The following GPC6 variants were observed in gnomAD, a reference collection of about 807,000 sequenced individuals.
GPC6 encodes the protein glypican 6.
Under a neutral mutation model 55.2 loss-of-function variants are expected in GPC6, and 14 were observed. The ratio of observed to expected loss-of-function variants is 0.25; its 90% CI spans 0.17 to 0.40. The LOEUF is 0.40. Ranked by LOEUF, GPC6 falls within the 10% of genes least tolerant of loss-of-function variation. The probability of loss-of-function intolerance (pLI) is 1.00; values close to 1 mark genes in which losing one functional copy is unlikely to be tolerated. For synonymous variants in GPC6, 278 were observed against 259.6 expected (o/e 1.07, Z -0.68); for missense variants, 641 against 708.5 (o/e 0.90, Z 1.08).
At chr13:93,217,904 G>GT in the GPC6 span, among the ~76,000 whole-genome samples, 2 of 151,870 alleles carry the variant, frequency 1.3e-5, no homozygotes, top group African/African-American at 2.4e-5. Flanking sequence ...GCCCAAAGAT[G>GT]TTTTTTTTGG....
Position 94,316,027 on chromosome 13 carries a change from C to A in GPC6, c.1152+9904C>A, listed in dbSNP as rs138008986. Among the ~76,000 whole-genome samples, 481 of 152,282 alleles carry A rather than the reference C, an allele frequency of 3.2e-3. 3 individuals carry two copies. The highest frequency in any genetic ancestry group is 0.01 in the African/African-American group (424 of 41,544). ...AGACAATTCCTCTTCTTCCAAAAAA[C>A]GGCCCAGGGAAGCCAAAAGATTGGA... On this transcript the variant is annotated intron_variant, in intron 6 of 8. Transcript: ENST00000377047.
intron 1 of GPC6, among the ~76,000 whole-genome samples, chr13:93,250,610 AG>A (rs748598808): frequency 5.3e-5 from 8 of 152,108 alleles, no homozygotes; most frequent in Non-Finnish European, 1.0e-4. Context: ...TCTTCCCAGG[AG>A]GGCTCTAGGG....
the GPC6 span, among the ~76,000 whole-genome samples, chr13:93,218,369 G>A: frequency 1.3e-5 from 2 of 152,146 alleles, no homozygotes; most frequent in Non-Finnish European, 2.9e-5. Context: ...AACATAGGAT[G>A]TCAGCCTTAC....
At chr13:93,275,172 A>T (rs949778207) in intron 1 of GPC6, among the ~76,000 whole-genome samples, 1 of 152,224 alleles carries the variant, frequency 6.6e-6, no homozygotes, top group African/African-American at 2.4e-5. Context: ...GCTGTAACTC[A>T]TTGAAACTCT....
chr13:93,902,573 T>C (rs1876420209), intron 3 of GPC6, among the ~76,000 whole-genome samples: 1 of 152,164 alleles, frequency 6.6e-6, no homozygotes, highest in African/African-American at 2.4e-5. Flanking sequence ...CTATAGCCAG[T>C]AGTGAGATTG....
At chr13:93,697,411 C>A (rs1037354232) in intron 2 of GPC6, among the ~76,000 whole-genome samples, 47 of 152,278 alleles carry the variant, frequency 3.1e-4, no homozygotes, top group African/African-American at 1.1e-3. Flanking sequence ...TGTTACTACT[C>A]TGCTTTATTT....
chr13:94,099,192 A>G (rs1885767999), intron 4 of GPC6, among the ~76,000 whole-genome samples: 1 of 152,156 alleles, frequency 6.6e-6, no homozygotes, highest in Admixed American at 6.5e-5. Context: ...TTATGGACAT[A>G]TTTTCCTATG....
At chr13:94,159,079 A>T (rs1041421127) in intron 4 of GPC6, among the ~76,000 whole-genome samples, 2 of 152,084 alleles carry the variant, frequency 1.3e-5, no homozygotes, top group African/African-American at 4.8e-5. Context: ...TGATATACAC[A>T]TACCTAGGCA....
intron 3 of GPC6, among the ~76,000 whole-genome samples, chr13:93,928,856 TACACACACACACACACACAC>T (rs10642875): frequency 4.2e-5 from 6 of 143,002 alleles, no homozygotes; most frequent in South Asian, 2.4e-4. Flanking sequence ...CCCTGTGTGT[TACACACACACACACACACAC>T]ACACACACAC....
intron 1 of GPC6, among the ~76,000 whole-genome samples, chr13:93,470,644 G>T (rs1879077241): frequency 6.6e-6 from 1 of 151,928 alleles, no homozygotes; most frequent in South Asian, 2.1e-4. Context: ...TCATGGTAAT[G>T]ACATCCTTAT....
At chr13:93,581,556 A>G (rs1876936678) in intron 2 of GPC6, among the ~76,000 whole-genome samples, 1 of 152,134 alleles carries the variant, frequency 6.6e-6, no homozygotes, top group African/African-American at 2.4e-5. Context: ...AAAATACAAA[A>G]ATGAGCTATG....
intron 4 of GPC6, among the ~76,000 whole-genome samples, chr13:94,060,823 T>G (rs1378767793): frequency 6.6e-6 from 1 of 152,170 alleles, no homozygotes. Context: ...CCATACAAAC[T>G]TTTTTAATTT....
At chr13:93,793,401 AAAAC>A (rs538060900) in intron 2 of GPC6, among the ~76,000 whole-genome samples, 19 of 152,304 alleles carry the variant, frequency 1.2e-4, no homozygotes, top group African/African-American at 2.9e-4. Context: ...GAAAACCTAA[AAAAC>A]AAACAAACAA....
chr13:94,016,649 A>C (rs1882476481), intron 3 of GPC6, among the ~76,000 whole-genome samples: 1 of 152,130 alleles, frequency 6.6e-6, no homozygotes, highest in African/African-American at 2.4e-5. Flanking sequence ...TGAATCTATA[A>C]ATTGCTTTAA....
intron 3 of GPC6, among the ~76,000 whole-genome samples, chr13:93,924,484 A>AG: frequency 6.6e-6 from 1 of 152,316 alleles, no homozygotes; most frequent in Middle Eastern, 3.4e-3. Flanking sequence ...TTATGGATTT[A>AG]GGGGGAAAAA....
At chr13:94,371,060 T>C (rs899801143) in intron 6 of GPC6, among the ~76,000 whole-genome samples, 1 of 152,110 alleles carries the variant, frequency 6.6e-6, no homozygotes, top group Non-Finnish European at 1.5e-5. Context: ...ATTAATCTAA[T>C]CCATAAATGC....
At chr13:93,487,409 C>A (rs896582878) in intron 1 of GPC6, among the ~76,000 whole-genome samples, 1 of 152,120 alleles carries the variant, frequency 6.6e-6, no homozygotes, top group South Asian at 2.1e-4. Context: ...GTATTTTCTC[C>A]TCTGTGTGTT....
chr13:93,520,656 G>T (rs1394764715), intron 1 of GPC6, among the ~76,000 whole-genome samples: 2 of 151,810 alleles, frequency 1.3e-5, no homozygotes, highest in Non-Finnish European at 2.9e-5. Flanking sequence ...TTAATAGCAT[G>T]TTCTTTTGGT....
chr13:93,570,807 C>G (rs1214770598), intron 2 of GPC6, among the ~76,000 whole-genome samples: 1 of 151,938 alleles, frequency 6.6e-6, no homozygotes, highest in Non-Finnish European at 1.5e-5. Context: ...AGATTATTTG[C>G]AAAATGAAAC....
Sources: allele counts gnomAD v4.1 joint callset (sites outside exome capture counted in the v4.1 genomes callset), GRCh38; gene constraint gnomAD v4.1.1; transcripts MANE v1.5; gene names NCBI Gene and HGNC (gene_info 2026-07-23, HGNC 2026-07-21).